The following LRP5 variants were observed in gnomAD, a reference collection of about 807,000 sequenced individuals.
LRP5 encodes LDL receptor related protein 5, also known as low-density lipoprotein receptor-related protein 5.
In LRP5, 62 loss-of-function variants were observed where a neutral mutation model predicts 154.1. That is an observed-to-expected ratio of 0.40 (90% confidence interval 0.33 to 0.50). The LOEUF (loss-of-function observed/expected upper bound fraction) is 0.50. LRP5 is among the 20% of genes least tolerant of loss of function. The pLI, the probability that LRP5 is intolerant of heterozygous loss-of-function variation, is 0.55. For synonymous variants in LRP5, 966 were observed against 1,011.5 expected, an observed-to-expected ratio of 0.96 and a Z score of 0.85; for missense variants, 1,915 against 2,336.7, an observed-to-expected ratio of 0.82 and a Z score of 3.72.
intron 3 of LRP5, among the ~76,000 whole-genome samples, chr11:68,358,381 G>A (rs1031776180): frequency 6.6e-6 from 1 of 152,156 alleles, no homozygotes; most frequent in African/African-American, 2.4e-5. Context: ...CCAGAGTGCT[G>A]GGATTACAGG....
intron 21 of LRP5, chr11:68,445,548 C>T: frequency 7.9e-7 from 1 of 1,268,272 alleles, no homozygotes; most frequent in South Asian, 1.2e-5. Flanking sequence ...GCATAACTGA[C>T]AGTTCTGTTC....
At chr11:68,305,696 G>C in the LRP5 span, among the ~76,000 whole-genome samples, 16 of 152,126 alleles carry the variant, frequency 1.1e-4, no homozygotes, top group Non-Finnish European at 1.9e-4. Context: ...ACTCACCTTG[G>C]CCTCCCAAAG....
At chr11:68,308,440 A>G (rs1187324950), upstream of LRP5, among the ~76,000 whole-genome samples, 10 of 152,222 alleles carry the variant, frequency 6.6e-5, no homozygotes, top group Non-Finnish European at 1.5e-4. Flanking sequence ...ATGGACTTGC[A>G]TCTAAGGAAC....
intron 21 of LRP5, among the ~76,000 whole-genome samples, chr11:68,444,713 C>G (rs2153184441): frequency 6.6e-6 from 1 of 152,120 alleles, no homozygotes; most frequent in East Asian, 1.9e-4. Context: ...TGGGCAGAAT[C>G]TCAAACTGCC....
intron 5 of LRP5, among the ~76,000 whole-genome samples, chr11:68,377,049 C>T (rs2098637740): frequency 6.6e-6 from 1 of 152,166 alleles, no homozygotes; most frequent in African/African-American, 2.4e-5. Context: ...AGGAACTCCT[C>T]ACCTGAGGTC....
rs193235198 is a variant in LRP5, at chr11:68,373,562, G to A, written c.1015+7860G>A. On this transcript the variant is annotated intron_variant, in intron 5 of 22. Coordinates refer to ENST00000294304, the MANE Select transcript of LRP5 (RefSeq NM_002335.4). ...CGAGCCTCTGCCGCCCAGCGTGGCC[G>A]GGGCTCAGTGGGACCATGGCGGCTG... 5.6e-4 allele frequency among the ~76,000 whole-genome samples: 85 copies of A among 152,264 alleles called. 1 individual carries two copies. The highest frequency in any genetic ancestry group is 4.1e-3 in the East Asian group (21 of 5,176).
intron 2 of LRP5, among the ~76,000 whole-genome samples, chr11:68,350,891 CGT>C (rs140197409): frequency 0.012 from 1,767 of 150,748 alleles, 19 homozygotes; most frequent in African/African-American, 0.029. Flanking sequence ...AGGATGTGAG[CGT>C]GTGTGTGTGT....
chr11:68,411,562 C>G lies in LRP5; in HGVS notation c.2445C>G (p.Asp815Glu), dbSNP rs149080536. 1.2e-6 allele frequency: 2 copies of G among 1,613,780 alleles called. No individual in the cohort carries two copies. The highest frequency in any genetic ancestry group is 2.2e-5 in the South Asian group (2 of 91,088). Residue 815 changes from aspartate to glutamate, a missense_variant, in exon 11 of 23, where the codon GAC becomes GAG. Asp to Glu is a conservative substitution (Grantham distance 45). Transcript: ENST00000294304. Reference protein sequence around the residue: ...RANDLTIDYADQRLYWTDLDT... With the variant: ...RANDLTIDYAEQRLYWTDLDT... ...ACGACCTCACCATTGACTACGCTGACCAGCGCCTCTACTGGACCGACCTGG... is the reference window on the plus strand; with the variant it reads ...ACGACCTCACCATTGACTACGCTGAGCAGCGCCTCTACTGGACCGACCTGG...
upstream of LRP5, among the ~76,000 whole-genome samples, chr11:68,307,689 A>G (rs1301170845): frequency 6.6e-6 from 1 of 151,992 alleles, no homozygotes; most frequent in Non-Finnish European, 1.5e-5. Flanking sequence ...GCGGTGGTGC[A>G]TGCCTGTAGT....
At chr11:68,404,541 G>A (rs1419911732) in intron 8 of LRP5, 3 of 484,584 alleles carry the variant, frequency 6.2e-6, no homozygotes, top group East Asian at 9.8e-5. Context: ...CCCCGTGGAA[G>A]CCTGGAGCTG....
Position 68,416,457 on chromosome 11 carries a change from C to T in LRP5, c.2957C>T (p.Pro986Leu). 6.2e-7 allele frequency: 1 copy of T among 1,614,152 alleles called. No individual in the cohort carries two copies. Among genetic ancestry groups the T allele is most frequent in the Non-Finnish European group, 8.5e-7 (1 of 1,180,030 alleles). The part of the protein sequence containing the change: ...LRNVKAIDYD[P>L]LDKFIYWVDG... ...AACGTCAAAGCCATCGACTATGACC[C>T]ACTGGACAAGTTCATCTACTGGGTG... Residue 986 changes from proline (P) to leucine (L), a missense_variant, in exon 13 of 23, where the codon CCA becomes CTA. Pro to Leu is a moderately conservative substitution (Grantham distance 98). Transcript: ENST00000294304.
rs1042415441 is a variant in LRP5, at chr11:68,386,215, G to A, written c.1016-101G>A. ...ACCAGCCTTTGCAAGGAGAGCCCTG[G>A]GGGCCTGGCTGAGTATTTCCCTTGC... On this transcript the variant is annotated intron_variant, in intron 5 of 22. Transcript: ENST00000294304. The surrounding 1 kb of genome is among the most constrained non-coding windows in gnomAD (Gnocchi z 7.9). 353 of 1,452,434 alleles carry A rather than the reference G, an allele frequency of 2.4e-4. 1 individual carries two copies. The highest frequency in any genetic ancestry group is 3.3e-5 in the Non-Finnish European group (35 of 1,049,892). The allele number at this position is 1,452,434 out of a possible 1,614,324, so 90.0% of individuals were successfully genotyped here.
chr11:68,309,649 A>G (rs2098586563), upstream of LRP5, among the ~76,000 whole-genome samples: 2 of 149,852 alleles, frequency 1.3e-5, no homozygotes, highest in South Asian at 4.2e-4. Flanking sequence ...ACTGTCCAGT[A>G]GAGTCTTTAG....
chr11:68,441,758 C>T (rs909725356), intron 21 of LRP5, among the ~76,000 whole-genome samples: 5 of 152,314 alleles, frequency 3.3e-5, no homozygotes, highest in South Asian at 2.1e-4. Flanking sequence ...ATTGTTTAAC[C>T]ATATGACTCA....
At chr11:68,420,904 T>C (rs1229243779) in intron 13 of LRP5, among the ~76,000 whole-genome samples, 1 of 152,024 alleles carries the variant, frequency 6.6e-6, no homozygotes, top group Non-Finnish European at 1.5e-5. Context: ...AAGTTTGCAC[T>C]AACCATAAGT....
chr11:68,425,044 G>A (rs758911766), intron 14 of LRP5, 58 bp from the exon 15 acceptor site: 74 of 1,541,148 alleles, frequency 4.8e-5, no homozygotes, highest in African/African-American at 1.4e-4. Flanking sequence ...CCTGGGCTCC[G>A]TGCTGTCCGA....
chr11:68,338,638 A>G (rs2098607010), intron 1 of LRP5, among the ~76,000 whole-genome samples: 1 of 152,164 alleles, frequency 6.6e-6, no homozygotes, highest in African/African-American at 2.4e-5. Context: ...AACCCACAGC[A>G]GAGTGCGGGG....
chr11:68,356,234 C>G (rs2153135164), intron 2 of LRP5, among the ~76,000 whole-genome samples: 1 of 151,744 alleles, frequency 6.6e-6, no homozygotes, highest in African/African-American at 2.4e-5. Flanking sequence ...CTCGACCTCC[C>G]AGGGCTGAAG....
At chr11:68,441,344 C>G (rs1162360772) in intron 21 of LRP5, among the ~76,000 whole-genome samples, 1 of 152,192 alleles carries the variant, frequency 6.6e-6, no homozygotes, top group Non-Finnish European at 1.5e-5. Flanking sequence ...TCCCCAGGTG[C>G]TGGGATTACA....
Sources: allele counts gnomAD v4.1 joint callset (sites outside exome capture counted in the v4.1 genomes callset), GRCh38; gene constraint gnomAD v4.1.1; non-coding constraint Gnocchi (gnomAD v3.1); transcripts MANE v1.5; gene names NCBI Gene and HGNC (gene_info 2026-07-23, HGNC 2026-07-21).